Variants in TMEM161B observed in about 807,000 individuals in gnomAD.
The protein encoded by TMEM161B is transmembrane protein 161B.
TMEM161B carries 34 observed loss-of-function variants against 61.8 expected under a neutral mutation model. The ratio of observed to expected loss-of-function variants is 0.55; its 90% CI spans 0.42 to 0.73. TMEM161B has a LOEUF of 0.73. Ranked by LOEUF, TMEM161B falls within the 30% of genes least tolerant of loss-of-function variation. TMEM161B has a pLI of 0.00. For synonymous variants in TMEM161B, 167 were observed against 192.8 expected (o/e 0.87, Z 1.11); for missense variants, 456 against 558.5 (o/e 0.82, Z 1.85).
chr5:88,255,731 AT>A (rs979705398), intron 1 of TMEM161B, among the ~76,000 whole-genome samples: 1 of 152,110 alleles, frequency 6.6e-6, no homozygotes, highest in Non-Finnish European at 1.5e-5. Context: ...TGAAAGCATA[AT>A]TTTTTTGCCA....
Position 88,220,727 on chromosome 5 carries a change from G to GAAAAAAAAAAAAAA in TMEM161B, c.290-22_290-9dup, listed in dbSNP as rs764112016. 3.6e-5 allele frequency: 22 copies of GAAAAAAAAAAAAAA among 602,790 alleles called. No individual in the cohort carries two copies. Among genetic ancestry groups the GAAAAAAAAAAAAAA allele is most frequent in the Admixed American group, 1.3e-4 (1 of 7,954 alleles). 37.3% of individuals were successfully genotyped at this position (602,790 alleles called of 1,614,324 possible). ...CTGGAAAGTAATGCAATGCTGGAAA[G>GAAAAAAAAAAAAAA]AAAAAAAAAAAAAAAAAAAAAAAAG... is the stretch of plus-strand genomic sequence containing the variant. On this transcript the variant is annotated splice_polypyrimidine_tract_variant and intron_variant, in intron 4 of 11. Transcript: ENST00000296595.
intron 5 of TMEM161B, among the ~76,000 whole-genome samples, chr5:88,210,932 T>G (rs1746595367): frequency 6.6e-6 from 1 of 152,148 alleles, no homozygotes; most frequent in Non-Finnish European, 1.5e-5. Context: ...AAAGACCAGA[T>G]AGTAAATACT....
At chr5:88,250,054 G>C (rs1260478199) in intron 1 of TMEM161B, among the ~76,000 whole-genome samples, 2 of 152,094 alleles carry the variant, frequency 1.3e-5, no homozygotes, top group African/African-American at 2.4e-5. Context: ...GAACAACACA[G>C]AAAGACACCA....
chr5:88,257,567 A>G (rs1190063423), intron 1 of TMEM161B, among the ~76,000 whole-genome samples: 2 of 152,186 alleles, frequency 1.3e-5, no homozygotes, highest in African/African-American at 4.8e-5. Context: ...TTCTTTCCTT[A>G]TCTACAAAAT....
At chr5:88,241,245 A>T (rs1752692393) in intron 1 of TMEM161B, among the ~76,000 whole-genome samples, 1 of 151,884 alleles carries the variant, frequency 6.6e-6, no homozygotes, top group Admixed American at 6.6e-5. Flanking sequence ...TGCATAGGTT[A>T]TATGCAAATA....
At chr5:88,186,498 T>G (rs369141088), downstream of TMEM161B, among the ~76,000 whole-genome samples, 82 of 150,148 alleles carry the variant, frequency 5.5e-4, no homozygotes, top group South Asian at 0.016. Context: ...TAATCTATTT[T>G]TTTTAATTCT....
chr5:88,240,378 CT>C (rs1257923050), intron 2 of TMEM161B, among the ~76,000 whole-genome samples: 1 of 151,692 alleles, frequency 6.6e-6, no homozygotes, highest in Non-Finnish European at 1.5e-5. Flanking sequence ...TTCTCACCCC[CT>C]TGTTGATCAA....
At chr5:88,231,774 T>C (rs1405987188) in intron 2 of TMEM161B, among the ~76,000 whole-genome samples, 1 of 152,188 alleles carries the variant, frequency 6.6e-6, no homozygotes, top group South Asian at 2.1e-4. Flanking sequence ...CCACAAACAC[T>C]GAACCATTGC....
intron 3 of TMEM161B, 138 bp downstream of exon 3, chr5:88,228,307 G>T: frequency 1.5e-6 from 1 of 647,038 alleles, no homozygotes; most frequent in Non-Finnish European, 2.6e-6. Context: ...CTACAGATTA[G>T]ATTTTCATGG....
At chr5:88,197,023 GGGCACCTATACCTATCATCAA>G (rs1749768137) in intron 11 of TMEM161B, among the ~76,000 whole-genome samples, 1 of 152,046 alleles carries the variant, frequency 6.6e-6, no homozygotes, top group Admixed American at 6.6e-5. Flanking sequence ...GATTCTTACA[GGGCACCTATACCTATCATCAA>G]GTCTATGACA....
intron 5 of TMEM161B, among the ~76,000 whole-genome samples, chr5:88,217,194 C>T (rs766909845): frequency 6.6e-5 from 10 of 152,106 alleles, no homozygotes; most frequent in South Asian, 2.1e-4. Flanking sequence ...GAGTTAGAGG[C>T]TGCAGTGAAC....
At chr5:88,246,884 T>G (rs559540760) in intron 1 of TMEM161B, among the ~76,000 whole-genome samples, 1 of 152,146 alleles carries the variant, frequency 6.6e-6, no homozygotes, top group South Asian at 2.1e-4. Flanking sequence ...GGTCATTGAT[T>G]CAAGTAGCCT....
intron 2 of TMEM161B, among the ~76,000 whole-genome samples, chr5:88,233,442 C>A (rs192707051): frequency 4.5e-4 from 69 of 152,124 alleles, no homozygotes; most frequent in African/African-American, 1.6e-3. Context: ...AACTAAAAGG[C>A]AATGAGGCAA....
intron 5 of TMEM161B, among the ~76,000 whole-genome samples, chr5:88,217,551 T>TGTGGTG (rs1268350653): frequency 7.0e-6 from 1 of 142,418 alleles, no homozygotes; most frequent in Admixed American, 7.6e-5. Flanking sequence ...TGAATGTGTG[T>TGTGGTG]GTGGTGGTGG....
chr5:88,243,948 TC>T (rs1753175341), intron 1 of TMEM161B, among the ~76,000 whole-genome samples: 1 of 152,002 alleles, frequency 6.6e-6, no homozygotes, highest in South Asian at 2.1e-4. Context: ...AGGTATCTGT[TC>T]ATGTCCTTTG....
downstream of TMEM161B, among the ~76,000 whole-genome samples, chr5:88,194,665 C>A (rs1749338442): frequency 6.6e-6 from 1 of 152,006 alleles, no homozygotes; most frequent in Non-Finnish European, 1.5e-5. Context: ...ATATTTAAAT[C>A]TACACCCAAA....
chr5:88,191,346 CTCT>C (rs1336840722), downstream of TMEM161B, among the ~76,000 whole-genome samples: 1 of 152,206 alleles, frequency 6.6e-6, no homozygotes, highest in Non-Finnish European at 1.5e-5. Context: ...CTATATTAGA[CTCT>C]TCATCTTAAT....
At chr5:88,249,374 C>T (rs1414335783) in intron 1 of TMEM161B, among the ~76,000 whole-genome samples, 1 of 152,150 alleles carries the variant, frequency 6.6e-6, no homozygotes, top group Non-Finnish European at 1.5e-5. Flanking sequence ...CTAGCACAGT[C>T]ATTTTTGAGC....
At chr5:88,241,669 C>T (rs1243576682) in intron 1 of TMEM161B, among the ~76,000 whole-genome samples, 4 of 151,748 alleles carry the variant, frequency 2.6e-5, no homozygotes, top group Non-Finnish European at 4.4e-5. Flanking sequence ...CTGTTACCAC[C>T]CACTTCCAGT....
Sources: allele counts gnomAD v4.1 joint callset (sites outside exome capture counted in the v4.1 genomes callset), GRCh38; gene constraint gnomAD v4.1.1; transcripts MANE v1.5; gene names NCBI Gene and HGNC (gene_info 2026-07-23, HGNC 2026-07-21).